The following FOXP1 variants were observed in gnomAD, a reference collection of about 807,000 sequenced individuals.
FOXP1 encodes the protein forkhead box P1.
Under a neutral mutation model 98.2 loss-of-function variants are expected in FOXP1, and 15 were observed. The observed-to-expected ratio is 0.15, with a 90% confidence interval of 0.10 to 0.24. The LOEUF (loss-of-function observed/expected upper bound fraction) is 0.24, where lower values mean the gene tolerates loss of function less well. FOXP1 is among the 10% of genes least tolerant of loss of function. The pLI is 1.00. For synonymous variants in FOXP1, 371 were observed against 314.5 expected (o/e 1.18, Z -1.90); for missense variants, 633 against 848.5 (o/e 0.75, Z 3.15).
At chr3:71,053,826 C>T (rs2050240381) in intron 7 of FOXP1, 53 bp from the exon 8 acceptor site, 2 of 1,609,204 alleles carry the variant, frequency 1.2e-6, no homozygotes, top group African/African-American at 2.7e-5. Flanking sequence ...AAGCACGCAG[C>T]CTCCCAGGTT....
At chr3:71,438,290 T>C (rs2085562165) in intron 3 of FOXP1, among the ~76,000 whole-genome samples, 1 of 152,242 alleles carries the variant, frequency 6.6e-6, no homozygotes, top group Admixed American at 6.5e-5. Context: ...CTTCATTTTC[T>C]GGCAGCCTCG....
At chr3:70,997,263 A>G (rs1412811026) in intron 13 of FOXP1, among the ~76,000 whole-genome samples, 1 of 152,248 alleles carries the variant, frequency 6.6e-6, no homozygotes, top group African/African-American at 2.4e-5. Flanking sequence ...TGCCCCAATA[A>G]TTCAGGTTCT....
At position 70,975,286 on chromosome 3, in the gene FOXP1, TCATGGCTAAAGATC is replaced by T. The variant is rs2037259826; in HGVS notation, c.1530+1641_1530+1654del. 2.0e-5 allele frequency among the ~76,000 whole-genome samples: 3 copies of T among 152,360 alleles called. No individual in the cohort carries two copies. The South Asian group carries it at 6.2e-4, about 32-fold the overall frequency. The stretch of plus-strand genomic sequence containing the variant: ...CGACTTCCTAAATTTTTTAAAGCAT[TCATGGCTAAAGATC>T]CTTTCATATTTTATCTTCCAAGGCA... On this transcript the variant is annotated intron_variant, in intron 17 of 20. Coordinates refer to ENST00000649528, the MANE Select transcript of FOXP1 (RefSeq NM_001349338.3).
chr3:71,279,172 C>CAA (rs11308828), intron 5 of FOXP1, among the ~76,000 whole-genome samples: 6 of 69,770 alleles, frequency 8.6e-5, no homozygotes, highest in East Asian at 4.0e-4. Flanking sequence ...AACTCCATCT[C>CAA]AAAAAAAAAA....
Position 70,957,306 on chromosome 3 carries a change from G to A in FOXP1, c.*1941C>T, listed in dbSNP as rs536269691. On this transcript the variant is annotated 3_prime_UTR_variant, in exon 21 of 21. Coordinates refer to ENST00000649528, the MANE Select transcript of FOXP1 (RefSeq NM_001349338.3). ...AAAGAAAAAGGAAAAATAACTACTA[G>A]AAAAAAGTAACAACTTTGGTTCCAT... 1.5e-4 allele frequency: 34 copies of A among 227,054 alleles called. No individual in the cohort carries two copies. Among genetic ancestry groups the A allele is most frequent in the Non-Finnish European group, 2.3e-4 (26 of 114,206 alleles). The allele number at this position is 227,054 out of a possible 1,614,324, so 14.1% of individuals were successfully genotyped here.
At chr3:71,444,288 G>C (rs2086212173) in intron 3 of FOXP1, among the ~76,000 whole-genome samples, 2 of 152,044 alleles carry the variant, frequency 1.3e-5, no homozygotes, top group South Asian at 4.2e-4. Flanking sequence ...CTCCTACAAA[G>C]GTGCACTCAG....
intron 3 of FOXP1, among the ~76,000 whole-genome samples, chr3:71,403,485 AGT>A (rs889584106): frequency 3.9e-5 from 6 of 152,188 alleles, no homozygotes; most frequent in Admixed American, 3.9e-4. Context: ...GAGGTGTGTG[AGT>A]GTGTGTGCGC....
intron 7 of FOXP1, among the ~76,000 whole-genome samples, chr3:71,056,588 G>A (rs2050678416): frequency 6.6e-6 from 1 of 152,312 alleles, no homozygotes; most frequent in Admixed American, 6.5e-5. Context: ...TGAATAATCA[G>A]AAGTGGGCTA....
chr3:71,501,142 A>G (rs2041309072), intron 2 of FOXP1, among the ~76,000 whole-genome samples: 1 of 152,134 alleles, frequency 6.6e-6, no homozygotes, highest in African/African-American at 2.4e-5. Context: ...TAGTGAGCCC[A>G]GATCAAGTCT....
intron 6 of FOXP1, among the ~76,000 whole-genome samples, chr3:71,178,904 CA>C (rs533841398): frequency 8.9e-5 from 12 of 135,526 alleles, no homozygotes; most frequent in South Asian, 4.8e-4. Flanking sequence ...AACAAACAAA[CA>C]AAAAAAAAAC....
intron 5 of FOXP1, among the ~76,000 whole-genome samples, chr3:71,201,247 T>C (rs1359619961): frequency 6.6e-6 from 1 of 152,200 alleles, no homozygotes; most frequent in African/African-American, 2.4e-5. Flanking sequence ...TGTGACAACA[T>C]GAGTGCCTTG....
chr3:71,321,121 C>CA (rs11293559), intron 4 of FOXP1, among the ~76,000 whole-genome samples: 38,623 of 121,786 alleles, frequency 0.32, 5,592 homozygotes, highest in Non-Finnish European at 0.35. Context: ...TAGACTGTAC[C>CA]AAAAAAAAAA....
rs78911216 is a variant in FOXP1 at position 71,449,520 on chromosome 3, A to G, written c.-168+43906T>C. 8.5e-5 allele frequency among the ~76,000 whole-genome samples: 13 copies of G among 152,330 alleles called. 1 individual carries two copies. The East Asian group carries it at 2.5e-3, about 29-fold the overall frequency. On this transcript the variant is annotated intron_variant, in intron 3 of 20. Transcript: ENST00000649528. ...TTTCATGGCTGGGAGCAGCCCAGGC[A>G]AAGGACTATTTCCTAGAACCTTACC... is the stretch of plus-strand genomic sequence containing the variant.
intron 4 of FOXP1, among the ~76,000 whole-genome samples, chr3:71,331,399 C>T (rs1028223107): frequency 1.9e-4 from 28 of 148,568 alleles, no homozygotes; most frequent in Admixed American, 4.7e-4. Context: ...TGGGCTCCTG[C>T]GCAGCCCAAG....
intron 7 of FOXP1, among the ~76,000 whole-genome samples, chr3:71,096,449 C>T (rs1420557825): frequency 6.6e-6 from 1 of 151,898 alleles, no homozygotes; most frequent in African/African-American, 2.4e-5. Context: ...TCTGATGCAC[C>T]CCTAGGATTG....
At chr3:71,130,682 A>G in intron 6 of FOXP1, 1 of 1,581,060 alleles carries the variant, frequency 6.3e-7, no homozygotes. Context: ...ACACTGGAAC[A>G]TTGCCCTTTG....
chr3:70,981,877 G>A (rs974397483), intron 14 of FOXP1, among the ~76,000 whole-genome samples: 4 of 152,176 alleles, frequency 2.6e-5, no homozygotes, highest in Non-Finnish European at 2.9e-5. Flanking sequence ...TGACTAGCCC[G>A]TGAGGGAAGG....
chr3:71,214,351 G>A (rs549594243), intron 5 of FOXP1, among the ~76,000 whole-genome samples: 1 of 152,324 alleles, frequency 6.6e-6, no homozygotes, highest in South Asian at 2.1e-4. Context: ...AGGGCTTGAG[G>A]TGCCCTGAAT....
chr3:71,327,656 G>T (rs2107700766), intron 4 of FOXP1, among the ~76,000 whole-genome samples: 1 of 152,092 alleles, frequency 6.6e-6, no homozygotes, highest in South Asian at 2.1e-4. Flanking sequence ...CAAAGTGCTA[G>T]GTTTACAGGT....
Sources: allele counts gnomAD v4.1 joint callset (sites outside exome capture counted in the v4.1 genomes callset), GRCh38; gene constraint gnomAD v4.1.1; transcripts MANE v1.5; gene names NCBI Gene and HGNC (gene_info 2026-07-23, HGNC 2026-07-21).